The following RGS5 variants were observed in gnomAD, a reference collection of about 807,000 sequenced individuals.
RGS5 encodes the protein regulator of G-protein signalling 5.
RGS5 carries 20 observed loss-of-function variants against 18.9 expected under a neutral mutation model. The observed-to-expected ratio is 1.06, with a 90% CI of 0.74 to 1.54. The LOEUF is 1.54. RGS5 is among the 40% of genes most tolerant of loss of function. The pLI is 0.00. For missense variants in RGS5, 201 were observed against 211.8 expected (o/e 0.95, Z 0.32); for synonymous variants, 57 against 76.2 (o/e 0.75, Z 1.31).
At chr1:163,294,935 C>T (rs1649386956) in intron 2 of RGS5, among the ~76,000 whole-genome samples, 1 of 152,214 alleles carries the variant, frequency 6.6e-6, no homozygotes, top group Non-Finnish European at 1.5e-5. Flanking sequence ...CACTGCCAGA[C>T]TCTTTGCTAA....
intron 3 of RGS5, among the ~76,000 whole-genome samples, chr1:163,159,514 T>C (rs1396189339): frequency 2.6e-5 from 4 of 152,190 alleles, no homozygotes; most frequent in Non-Finnish European, 5.9e-5. Context: ...GGGGAGAGAC[T>C]GTCTCACTTA....
chr1:163,161,933 T>G lies in RGS5; in HGVS notation c.199A>C (p.Lys67Gln). 3 of 1,613,350 alleles carry G rather than the reference T, an allele frequency of 1.9e-6. No individual in the cohort carries two copies. The highest frequency in any genetic ancestry group is 2.5e-6 in the Non-Finnish European group (3 of 1,179,374). Residue 67 changes from lysine to glutamine, a missense_variant, in exon 3 of 5, where the codon AAA (lysine) becomes CAA (glutamine). Lys to Gln is a moderately conservative substitution (Grantham distance 53). Transcript: ENST00000313961. ...AACTTACAGTTGTTCTGCAGGAGTT[T>G]GTCCAGGGAATCACGCCACTGCAGG... ...EALQWRDSLDKLLQNNYGLAS... is the reference protein window; with the variant it reads ...EALQWRDSLDQLLQNNYGLAS...
In RGS5 at chr1:163,152,540, A is replaced by G. The variant is rs771531684; in HGVS notation, c.384+10T>C. ...CTGCCCTTAACTGACCCACCTACCCAGAGACCAACCTCTTTAGGAGCCTCC... is the reference window on the plus strand; with the variant it reads ...CTGCCCTTAACTGACCCACCTACCCGGAGACCAACCTCTTTAGGAGCCTCC... On this transcript the variant is annotated intron_variant, in intron 4 of 4. Coordinates refer to ENST00000313961, the MANE Select transcript of RGS5 (RefSeq NM_003617.4). 31 of 1,606,578 alleles carry G rather than the reference A, an allele frequency of 1.9e-5. No individual in the cohort carries two copies. The Admixed American group carries it at 5.3e-4, about 27-fold the overall frequency.
At chr1:163,274,600 A>ACC (rs1423731025) in intron 2 of RGS5, among the ~76,000 whole-genome samples, 1 of 152,158 alleles carries the variant, frequency 6.6e-6, no homozygotes, top group Non-Finnish European at 1.5e-5. Context: ...CTCAATTTAT[A>ACC]ACTTGTTTGT....
At chr1:163,285,749 G>C (rs1649126337) in intron 2 of RGS5, among the ~76,000 whole-genome samples, 2 of 151,766 alleles carry the variant, frequency 1.3e-5, no homozygotes, top group South Asian at 4.2e-4. Flanking sequence ...GAATCTGGTT[G>C]TTTGAAAGTT....
intron 1 of RGS5, among the ~76,000 whole-genome samples, chr1:163,189,299 A>T (rs1400866281): frequency 6.6e-6 from 1 of 152,224 alleles, no homozygotes; most frequent in Non-Finnish European, 1.5e-5. Context: ...AATAAAAACG[A>T]TAAGAGTAGT....
intron 2 of RGS5, among the ~76,000 whole-genome samples, chr1:163,245,655 A>T (rs1647909285): frequency 6.6e-6 from 1 of 152,202 alleles, no homozygotes; most frequent in South Asian, 2.1e-4. Context: ...GTAAATTTAG[A>T]TGTATTATTT....
chr1:163,178,961 A>G (rs1301759665), intron 1 of RGS5, among the ~76,000 whole-genome samples: 1 of 152,232 alleles, frequency 6.6e-6, no homozygotes, highest in African/African-American at 2.4e-5. Flanking sequence ...TACAGTCAAA[A>G]GTAACGTGTT....
At chr1:163,262,463 C>T (rs896820682) in intron 2 of RGS5, among the ~76,000 whole-genome samples, 1 of 68,270 alleles carries the variant, frequency 1.5e-5, no homozygotes, top group African/African-American at 5.9e-5. Context: ...CAATTTCATC[C>T]ATGTCCCTAC....
At chr1:163,279,743 G>C (rs1449583586) in intron 2 of RGS5, among the ~76,000 whole-genome samples, 2 of 151,640 alleles carry the variant, frequency 1.3e-5, no homozygotes, top group Non-Finnish European at 2.9e-5. Flanking sequence ...TTTTTGATAA[G>C]ATAAAGAAAA....
intron 3 of RGS5, among the ~76,000 whole-genome samples, chr1:163,153,942 T>C (rs1657483839): frequency 6.6e-6 from 1 of 152,078 alleles, no homozygotes; most frequent in African/African-American, 2.4e-5. Context: ...AGAGAAAAAC[T>C]CTAATTTTCC....
chr1:163,217,993 A>T (rs1660254495), upstream of RGS5, among the ~76,000 whole-genome samples: 1 of 152,096 alleles, frequency 6.6e-6, no homozygotes, highest in South Asian at 2.1e-4. Context: ...ACCATTTATC[A>T]TGCCTGGAAT....
intron 1 of RGS5, among the ~76,000 whole-genome samples, chr1:163,317,917 T>C (rs1413885258): frequency 6.6e-6 from 1 of 152,086 alleles, no homozygotes; most frequent in Non-Finnish European, 1.5e-5. Flanking sequence ...GTTATTGCCA[T>C]ATTTGCTTGT....
rs550719518 is a variant in RGS5, at chr1:163,146,115, A to G, written c.*1227T>C. 2.0e-5 allele frequency: 3 copies of G among 152,262 alleles called. No individual in the cohort carries two copies. Among genetic ancestry groups the G allele is most frequent in the East Asian group, 3.9e-4 (2 of 5,180 alleles). 9.4% of individuals were successfully genotyped at this position (152,262 alleles called of 1,614,324 possible). A position where few individuals can be genotyped will look rare whatever the true frequency, so the allele number is the denominator to read the frequency against. On this transcript the variant is annotated 3_prime_UTR_variant, in exon 5 of 5. Coordinates refer to ENST00000313961, the MANE Select transcript of RGS5 (RefSeq NM_003617.4). ...AAAGTTTAAACCTACCAAAAGTCCT[A>G]TGGCCTATTATTTAGCTGTGAATGA...
intron 1 of RGS5, chr1:163,306,372 C>T (rs945383633): frequency 2.6e-5 from 4 of 152,196 alleles, no homozygotes; most frequent in Admixed American, 2.0e-4. Context: ...GCATGTTGCA[C>T]TCAAAGAGCA....
At chr1:163,290,789 G>C (rs1649263514) in intron 2 of RGS5, among the ~76,000 whole-genome samples, 1 of 151,966 alleles carries the variant, frequency 6.6e-6, no homozygotes, top group African/African-American at 2.4e-5. Flanking sequence ...ACTAAATAGA[G>C]GATACATTTG....
chr1:163,263,079 TG>T (rs1392532355), intron 2 of RGS5, among the ~76,000 whole-genome samples: 1 of 152,172 alleles, frequency 6.6e-6, no homozygotes, highest in Admixed American at 6.5e-5. Flanking sequence ...GGGACTTCAT[TG>T]CTTGGGCTTT....
chr1:163,273,690 G>T (rs768847500), intron 2 of RGS5, among the ~76,000 whole-genome samples: 1 of 152,008 alleles, frequency 6.6e-6, no homozygotes, highest in Non-Finnish European at 1.5e-5. Flanking sequence ...CAGTTTATAT[G>T]AACTGTTATT....
chr1:163,202,021 C>T (rs1995786), intron 1 of RGS5, among the ~76,000 whole-genome samples: 2,312 of 152,268 alleles, frequency 0.015, 54 homozygotes, highest in African/African-American at 0.052. Flanking sequence ...CTAGGATTCT[C>T]TCCAGAATAT....
Sources: allele counts gnomAD v4.1 joint callset (sites outside exome capture counted in the v4.1 genomes callset), GRCh38; gene constraint gnomAD v4.1.1; transcripts MANE v1.5; gene names NCBI Gene and HGNC (gene_info 2026-07-23, HGNC 2026-07-21).